ANK2: variants seen among roughly 807,000 people sequenced by gnomAD.
ANK2 encodes ankyrin-2.
A neutral mutation model predicts 360.5 loss-of-function variants in ANK2; 83 were observed. That is an observed-to-expected ratio of 0.23 (90% confidence interval 0.19 to 0.28). The LOEUF is 0.28. ANK2 is among the 10% of genes least tolerant of loss of function. ANK2 has a pLI of 1.00. For synonymous variants in ANK2, 1,740 were observed against 1,759.5 expected (o/e 0.99, Z 0.28); for missense variants, 4,201 against 4,795.7 (o/e 0.88, Z 3.66).
intron 2 of ANK2, among the ~76,000 whole-genome samples, chr4:112,997,907 AT>A (rs34955779): frequency 0.32 from 46,394 of 145,052 alleles, 7,415 homozygotes; most frequent in African/African-American, 0.41. Flanking sequence ...ATTTTGGGCT[AT>A]TTTTTTTTTT....
chr4:113,366,930 G>A (rs965293058), intron 41 of ANK2, among the ~76,000 whole-genome samples: 1 of 152,082 alleles, frequency 6.6e-6, no homozygotes, highest in African/African-American at 2.4e-5. Flanking sequence ...ATATATATCT[G>A]TTGAATAAAT....
intron 26 of ANK2, among the ~76,000 whole-genome samples, chr4:113,329,385 A>G (rs1168071639): frequency 1.1e-4 from 17 of 152,232 alleles, no homozygotes; most frequent in Non-Finnish European, 7.3e-5. Context: ...TTTTTCATGA[A>G]CAATTAACCT....
At chr4:113,073,470 C>G (rs1435896592) in intron 1 of ANK2, among the ~76,000 whole-genome samples, 3 of 152,026 alleles carry the variant, frequency 2.0e-5, no homozygotes, top group Non-Finnish European at 2.9e-5. Context: ...ACCTAGATTG[C>G]CTATGTGATT....
Position 112,979,468 on chromosome 4 carries a change from GCT to G in ANK2, c.21+74957_21+74958del, listed in dbSNP as rs572128152. 3.3e-5 allele frequency: 5 copies of G among 152,396 alleles called. No homozygotes were observed. In the East Asian group the frequency reaches 9.7e-4, roughly 30 times the overall value. The allele number at this position is 152,396 out of a possible 1,614,324, so 9.4% of individuals were successfully genotyped here. On this transcript the variant is annotated intron_variant, in intron 2 of 30. Coordinates refer to the ANK2 transcript ENST00000503271. ...GGTCTGGGCTCCCCAAAGGGCTGCA[GCT>G]CTTTTCTCCTCATCACCTGCCACCT...
intron 1 of ANK2, among the ~76,000 whole-genome samples, chr4:113,083,071 A>T (rs999527371): frequency 1.6e-4 from 25 of 151,798 alleles, no homozygotes; most frequent in Middle Eastern, 6.8e-3. Context: ...TTATTTTTTT[A>T]AATTTTTAAA....
At chr4:113,202,791 G>C (rs1348872684) in intron 4 of ANK2, among the ~76,000 whole-genome samples, 2 of 152,218 alleles carry the variant, frequency 1.3e-5, no homozygotes, top group East Asian at 3.8e-4. Context: ...AATTTTGGTA[G>C]AGAGTGTCCT....
intron 1 of ANK2, among the ~76,000 whole-genome samples, chr4:113,107,919 C>T (rs1156770068): frequency 6.6e-6 from 1 of 152,028 alleles, no homozygotes; most frequent in Non-Finnish European, 1.5e-5. Context: ...CATAAAGAAG[C>T]TTTATTTCAT....
chr4:112,844,029 C>T (rs553873397), intron 1 of ANK2, among the ~76,000 whole-genome samples: 101 of 152,206 alleles, frequency 6.6e-4, no homozygotes, highest in African/African-American at 2.3e-3. Context: ...CAAAATTGTT[C>T]TGGAAAAAGT....
At chr4:113,040,126 A>G (rs1219972050) in intron 2 of ANK2, among the ~76,000 whole-genome samples, 1 of 152,024 alleles carries the variant, frequency 6.6e-6, no homozygotes, top group Non-Finnish European at 1.5e-5. Flanking sequence ...TCAAGAACTA[A>G]TATCACTAGA....
At chr4:113,036,917 G>C (rs894273812) in intron 2 of ANK2, among the ~76,000 whole-genome samples, 1 of 151,874 alleles carries the variant, frequency 6.6e-6, no homozygotes, top group Non-Finnish European at 1.5e-5. Context: ...AAAGATTCAG[G>C]CTTCCTAAAC....
At chr4:112,829,334 G>A (rs929193047) in intron 1 of ANK2, among the ~76,000 whole-genome samples, 1 of 151,746 alleles carries the variant, frequency 6.6e-6, no homozygotes, top group African/African-American at 2.4e-5. Context: ...TTCCAGTGTT[G>A]GGTACATATA....
At chr4:112,713,956 A>C in the ANK2 span, among the ~76,000 whole-genome samples, 18 of 151,518 alleles carry the variant, frequency 1.2e-4, no homozygotes, top group African/African-American at 1.7e-4. Flanking sequence ...AAAAAAAAAA[A>C]CTGTCAAACT....
intron 1 of ANK2, among the ~76,000 whole-genome samples, chr4:112,836,662 C>A (rs979310611): frequency 2.6e-5 from 4 of 152,216 alleles, no homozygotes; most frequent in African/African-American, 9.6e-5. Context: ...AAAGGTCACT[C>A]TTGCCATGCT....
At chr4:112,951,037 C>G (rs925492435) in intron 2 of ANK2, among the ~76,000 whole-genome samples, 2 of 142,506 alleles carry the variant, frequency 1.4e-5, no homozygotes, top group South Asian at 2.3e-4. Context: ...AGCCGAGATC[C>G]CGCCACTGCA....
rs2095767070 is a variant in ANK2, at chr4:113,356,291, G to A, written c.7673G>A (p.Ser2558Asn). The A allele has an allele frequency of 6.2e-7, 1 of 1,614,142 alleles. No individual in the cohort carries two copies. The highest frequency in any genetic ancestry group is 1.1e-5 in the South Asian group (1 of 91,078). The change falls in exon 38 of 46, where the codon AGT becomes AAT. Residue 2558 changes from serine to asparagine, a missense_variant. Physicochemically the swap from Ser to Asn is conservative, Grantham distance 46 (BLOSUM62 1). This residue lies in a region of ANK2 where 2,642 missense variants were observed against 2,714.5 expected (regional missense o/e 0.97). Transcript: ENST00000357077. ...GTTACACCCAAAACCACAGATGTAA[G>A]TACACCAAAACCAGCTGTGATTCAT... ...YEVTPKTTDVSTPKPAVIHEC... is the reference protein window; with the variant it reads ...YEVTPKTTDVNTPKPAVIHEC...
chr4:113,194,238 C>G (rs775157640), intron 2 of ANK2, among the ~76,000 whole-genome samples: 1 of 152,150 alleles, frequency 6.6e-6, no homozygotes, highest in Non-Finnish European at 1.5e-5. Context: ...GATGATGATG[C>G]AAACATTTAA....
intron 2 of ANK2, among the ~76,000 whole-genome samples, chr4:113,027,804 A>G (rs1329587489): frequency 6.6e-6 from 1 of 152,148 alleles, no homozygotes; most frequent in South Asian, 2.1e-4. Context: ...TCTCAAAAAC[A>G]AAGCTCACAT....
chr4:113,061,382 A>C (rs563152704), intron 1 of ANK2, among the ~76,000 whole-genome samples: 1 of 152,256 alleles, frequency 6.6e-6, no homozygotes, highest in South Asian at 2.1e-4. Flanking sequence ...GCTTTTTCCC[A>C]GTAATAATTT....
At chr4:112,863,500 T>C (rs994287564) in intron 1 of ANK2, among the ~76,000 whole-genome samples, 2 of 149,754 alleles carry the variant, frequency 1.3e-5, no homozygotes, top group Non-Finnish European at 3.0e-5. Flanking sequence ...AGAAAACATC[T>C]AACTTTAGAG....
Sources: allele counts gnomAD v4.1 joint callset (sites outside exome capture counted in the v4.1 genomes callset), GRCh38; gene constraint gnomAD v4.1.1; regional missense constraint gnomAD v4.1.1; transcripts MANE v1.5; gene names NCBI Gene and HGNC (gene_info 2026-07-23, HGNC 2026-07-21).